Variants in TBC1D1 observed in about 807,000 individuals in gnomAD.
TBC1D1 encodes the protein TBC1 (tre-2/USP6, BUB2, cdc16) domain family, member 1.
TBC1D1 carries 89 observed loss-of-function variants against 125.6 expected under a neutral mutation model. The ratio of observed to expected loss-of-function variants is 0.71; its 90% confidence interval spans 0.60 to 0.85. TBC1D1 has a LOEUF of 0.85. Among genes scored for constraint, TBC1D1 ranks in the 40% least tolerant of loss-of-function variants. The pLI, the probability that TBC1D1 is intolerant of heterozygous loss-of-function variation, is 0.00. For missense variants in TBC1D1, 1,377 were observed against 1,469.2 expected (o/e 0.94, Z 1.03); for synonymous variants, 565 against 564.1 (o/e 1.00, Z -0.02).
chr4:37,949,504 C>G (rs1051941998), intron 2 of TBC1D1, among the ~76,000 whole-genome samples: 1 of 152,198 alleles, frequency 6.6e-6, no homozygotes, highest in Non-Finnish European at 1.5e-5. Flanking sequence ...CCCACAGGTG[C>G]GTACTGGCAG....
intron 15 of TBC1D1, among the ~76,000 whole-genome samples, chr4:38,107,583 T>TG (rs1761541158): frequency 2.1e-5 from 3 of 141,400 alleles, no homozygotes; most frequent in South Asian, 4.9e-4. Context: ...ACAGGTTTTT[T>TG]TTTTTTTTTT....
chr4:38,074,795 T>C (rs1284910628), intron 12 of TBC1D1, among the ~76,000 whole-genome samples: 1 of 151,168 alleles, frequency 6.6e-6, no homozygotes, highest in Non-Finnish European at 1.5e-5. Context: ...AAATTCTTGC[T>C]CTGTCACCCA....
chr4:38,078,628 C>CTTGCT (rs1756007641), intron 12 of TBC1D1, among the ~76,000 whole-genome samples: 1 of 152,178 alleles, frequency 6.6e-6, no homozygotes, highest in Non-Finnish European at 1.5e-5. Flanking sequence ...TCTCTTCACC[C>CTTGCT]TGTGAGGATA....
At chr4:38,076,251 A>G (rs555572461) in intron 12 of TBC1D1, among the ~76,000 whole-genome samples, 44 of 152,328 alleles carry the variant, frequency 2.9e-4, no homozygotes, top group South Asian at 2.1e-3. Context: ...TTATAAAACC[A>G]TCAGATCTCA....
intron 6 of TBC1D1, among the ~76,000 whole-genome samples, 176 bp from the exon 7 acceptor site, chr4:38,027,612 G>C (rs1305451777): frequency 1.3e-5 from 2 of 151,924 alleles, no homozygotes; most frequent in Non-Finnish European, 2.9e-5. Flanking sequence ...ATCCAGCCTG[G>C]GTGACAGAGT....
In TBC1D1 at chr4:38,014,571, C is replaced by T; in HGVS notation, c.480C>T (p.His160=). 1.2e-6 allele frequency: 2 copies of T among 1,613,402 alleles called. No homozygotes were observed. The highest frequency in any genetic ancestry group is 1.7e-6 in the Non-Finnish European group (2 of 1,180,048). Residue 160 remains histidine (H), a synonymous_variant, in exon 3 of 20, where the codon CAC becomes CAT. Transcript: ENST00000261439. This position sits in a 1 kb window ranked among gnomAD's most constrained non-coding sequence, Gnocchi z 5.1. ...AGATCGCCCGGCAGGAGGAGCTGCA[C>T]TGCCCGTCCGAGTTCGACGACACGT...
At chr4:38,065,533 A>G (rs1381397762) in intron 12 of TBC1D1, among the ~76,000 whole-genome samples, 1 of 152,306 alleles carries the variant, frequency 6.6e-6, no homozygotes, top group East Asian at 1.9e-4. Context: ...TTTCTTTGCA[A>G]TGAAGCGCAT....
intron 2 of TBC1D1, among the ~76,000 whole-genome samples, chr4:37,979,444 T>G (rs1394372752): frequency 2.0e-5 from 3 of 152,238 alleles, no homozygotes; most frequent in African/African-American, 7.2e-5. Context: ...TGATGTTCTA[T>G]GGAACTGATG....
intron 1 of TBC1D1, among the ~76,000 whole-genome samples, chr4:37,900,948 T>C (rs1054224448): frequency 2.0e-5 from 3 of 151,676 alleles, no homozygotes; most frequent in Non-Finnish European, 2.9e-5. Context: ...GGTGCATGCC[T>C]GTAATCCCAG....
intron 6 of TBC1D1, among the ~76,000 whole-genome samples, chr4:38,024,090 G>A (rs1744612067): frequency 6.6e-6 from 1 of 152,150 alleles, no homozygotes; most frequent in African/African-American, 2.4e-5. Context: ...ACATCTTAAG[G>A]TCTGGGAAGG....
chr4:37,960,813 A>G, intron 2 of TBC1D1: 3 of 1,614,148 alleles, frequency 1.9e-6, no homozygotes, highest in Non-Finnish European at 2.5e-6. Flanking sequence ...AGACTTTGAG[A>G]GTTTTGACCT....
chr4:38,087,845 C>CAAAAAA (rs1215951890), intron 12 of TBC1D1, among the ~76,000 whole-genome samples: 1 of 67,880 alleles, frequency 1.5e-5, no homozygotes. Flanking sequence ...GATTCCGTCT[C>CAAAAAA]AAAAAAAAAA....
chr4:38,015,851 A>G (rs1282824402), intron 3 of TBC1D1, among the ~76,000 whole-genome samples: 1 of 152,182 alleles, frequency 6.6e-6, no homozygotes, highest in African/African-American at 2.4e-5. Flanking sequence ...GTGCAGGTTT[A>G]AAACCAAGGG....
chr4:37,925,394 A>G (rs113997865), intron 2 of TBC1D1, among the ~76,000 whole-genome samples: 1,693 of 152,340 alleles, frequency 0.011, 35 homozygotes, highest in African/African-American at 0.039. Context: ...AAACAAGTGA[A>G]GAAAAAAAAT....
At chr4:38,107,298 G>A (rs1275465547) in intron 15 of TBC1D1, among the ~76,000 whole-genome samples, 4 of 152,144 alleles carry the variant, frequency 2.6e-5, no homozygotes, top group Non-Finnish European at 4.4e-5. Context: ...GACTCCACCT[G>A]TTACCTCCCC....
intron 2 of TBC1D1, among the ~76,000 whole-genome samples, chr4:37,910,130 A>G (rs560338656): frequency 6.6e-5 from 10 of 152,292 alleles, no homozygotes; most frequent in East Asian, 1.9e-4. Flanking sequence ...TTTTACACAT[A>G]TGACTTTATA....
intron 18 of TBC1D1, among the ~76,000 whole-genome samples, chr4:38,130,687 C>G (rs1468018621): frequency 6.6e-6 from 1 of 152,170 alleles, no homozygotes; most frequent in Non-Finnish European, 1.5e-5. Context: ...TAGGCAAGAC[C>G]CTGGGGGAGG....
intron 12 of TBC1D1, among the ~76,000 whole-genome samples, chr4:38,065,533 A>T (rs1381397762): frequency 6.6e-6 from 1 of 152,306 alleles, no homozygotes; most frequent in Admixed American, 6.5e-5. Flanking sequence ...TTTCTTTGCA[A>T]TGAAGCGCAT....
Position 37,902,531 on chromosome 4 carries a change from C to T in TBC1D1, c.417+19C>T, listed in dbSNP as rs201827746. 5 of 1,568,256 alleles carry T rather than the reference C, an allele frequency of 3.2e-6. No homozygotes were observed. The highest frequency in any genetic ancestry group is 2.7e-5 in the African/African-American group (2 of 73,870). On this transcript the variant is annotated intron_variant, in intron 2 of 19. Transcript: ENST00000261439. ...AACAAAAGTAAGTGAGATGGAGATC[C>T]AAAAGACTAAGGTGTGGCTGGCTGG...
Sources: allele counts gnomAD v4.1 joint callset (sites outside exome capture counted in the v4.1 genomes callset), GRCh38; gene constraint gnomAD v4.1.1; non-coding constraint Gnocchi (gnomAD v3.1); transcripts MANE v1.5; gene names NCBI Gene and HGNC (gene_info 2026-07-23, HGNC 2026-07-21).